DISP1: variants seen among roughly 807,000 people sequenced by gnomAD.
The protein encoded by DISP1 is protein dispatched homolog 1.
In DISP1, 30 loss-of-function variants were observed where a neutral mutation model predicts 37.3. The observed-to-expected ratio is 0.80, with a 90% CI of 0.60 to 1.09. DISP1 has a LOEUF of 1.09. DISP1 is among the 50% of genes least tolerant of loss of function. DISP1 has a pLI of 0.00. For missense variants in DISP1, 1,598 were observed against 1,879.5 expected, an observed-to-expected ratio of 0.85 and a Z score of 2.77; for synonymous variants, 634 against 690.2, an observed-to-expected ratio of 0.92 and a Z score of 1.28.
intron 2 of DISP1, among the ~76,000 whole-genome samples, chr1:222,936,843 C>CATATATATGATATATAATTTATATATA (rs1252343814): frequency 2.5e-5 from 1 of 40,590 alleles, no homozygotes; most frequent in Non-Finnish European, 4.4e-5. Context: ...TTATATATAT[C>CATATATATGATATATAATTTATATATA]ATATATATGA....
intron 2 of DISP1, among the ~76,000 whole-genome samples, chr1:222,936,811 A>T (rs58723573): frequency 1.8e-3 from 61 of 34,830 alleles, no homozygotes; most frequent in African/African-American, 3.2e-3. Context: ...TATATATATA[A>T]ATTATATATA....
intron 1 of DISP1, among the ~76,000 whole-genome samples, chr1:222,863,314 A>G (rs1265281605): frequency 1.6e-5 from 2 of 125,290 alleles, no homozygotes; most frequent in African/African-American, 5.1e-5. Flanking sequence ...TCAGCTCAGG[A>G]GTTCAAGAAC....
intron 3 of DISP1, among the ~76,000 whole-genome samples, chr1:222,979,041 T>C (rs1046582683): frequency 3.3e-5 from 5 of 152,162 alleles, no homozygotes; most frequent in African/African-American, 1.2e-4. Context: ...AAAGTAGTTT[T>C]TTCCAATTCT....
chr1:222,949,410 TTAAAA>T (rs1272818617), intron 3 of DISP1, among the ~76,000 whole-genome samples: 3 of 151,936 alleles, frequency 2.0e-5, no homozygotes, highest in Non-Finnish European at 2.9e-5. Flanking sequence ...ATACATAAAA[TTAAAA>T]TAAAGATTAT....
At chr1:222,877,000 T>C (rs978272737) in intron 1 of DISP1, among the ~76,000 whole-genome samples, 2 of 152,190 alleles carry the variant, frequency 1.3e-5, no homozygotes, top group Non-Finnish European at 1.5e-5. Context: ...TATATGAACA[T>C]GTTGTGAAAA....
At chr1:222,977,813 G>A (rs1186563128) in intron 3 of DISP1, among the ~76,000 whole-genome samples, 4 of 151,914 alleles carry the variant, frequency 2.6e-5, no homozygotes, top group Non-Finnish European at 5.9e-5. Context: ...GCGATAGTTT[G>A]CTGAGAATGA....
At chr1:222,890,835 A>T (rs1670899298) in intron 1 of DISP1, among the ~76,000 whole-genome samples, 1 of 152,028 alleles carries the variant, frequency 6.6e-6, no homozygotes. Flanking sequence ...TGGTTTGTAG[A>T]CACAATAGCC....
intron 3 of DISP1, among the ~76,000 whole-genome samples, chr1:222,949,728 C>T (rs940758546): frequency 9.2e-5 from 14 of 152,090 alleles, no homozygotes; most frequent in African/African-American, 2.9e-4. Flanking sequence ...CTGGGTTCAA[C>T]GGATTCTTCT....
chr1:222,865,082 C>T (rs968459400), intron 1 of DISP1, among the ~76,000 whole-genome samples: 1 of 150,906 alleles, frequency 6.6e-6, no homozygotes. Flanking sequence ...GTATATTTTT[C>T]TCTCTGATGT....
intron 7 of DISP1, 43 bp downstream of exon 7, chr1:222,992,153 C>A (rs754956599): frequency 6.8e-7 from 1 of 1,468,290 alleles, no homozygotes; most frequent in South Asian, 1.1e-5. Context: ...GCAGTTTGCT[C>A]GCATTTAAAA....
At chr1:222,853,660 GT>G (rs916297698) in intron 1 of DISP1, among the ~76,000 whole-genome samples, 10 of 152,168 alleles carry the variant, frequency 6.6e-5, no homozygotes, top group Admixed American at 5.9e-4. Flanking sequence ...AACACTGCAT[GT>G]TCTCACTCAT....
rs557832169 is a variant in DISP1 at position 222,864,470 on chromosome 1, G to A, written c.-159+49392G>A. On this transcript the variant is annotated intron_variant, in intron 1 of 8. Coordinates refer to ENST00000675850, the MANE Select transcript of DISP1 (RefSeq NM_001377229.1). Reference sequence around the variant, plus strand: ...AACCACCTGAGAAACGACTCTGTAGGAGTCCTCTCATTTTTTTTTGCCATT... The same window carrying A: ...AACCACCTGAGAAACGACTCTGTAGAAGTCCTCTCATTTTTTTTTGCCATT... 2.1e-3 allele frequency among the ~76,000 whole-genome samples: 316 copies of A among 151,982 alleles called. 2 individuals are homozygous for A. Among genetic ancestry groups the A allele is most frequent in the Non-Finnish European group, 2.6e-3 (175 of 67,972 alleles).
intron 1 of DISP1, among the ~76,000 whole-genome samples, chr1:222,877,493 C>G (rs1381790323): frequency 6.6e-6 from 1 of 152,176 alleles, no homozygotes; most frequent in South Asian, 2.1e-4. Flanking sequence ...CAGGGTCCCT[C>G]CCACACACTT....
chr1:222,947,269 C>CT (rs1365098167), intron 3 of DISP1, among the ~76,000 whole-genome samples: 4 of 151,644 alleles, frequency 2.6e-5, no homozygotes, highest in South Asian at 2.1e-4. Flanking sequence ...TAGTATTTGC[C>CT]TTTTTTTTGT....
At position 223,004,851 on chromosome 1, in the gene DISP1, A is replaced by G. The variant is rs141653283; in HGVS notation, c.3454A>G (p.Ser1152Gly). 908 of 1,609,624 alleles carry G rather than the reference A, an allele frequency of 5.6e-4. No homozygotes were observed. The highest frequency in any genetic ancestry group is 7.6e-4 in the East Asian group (34 of 44,874). The part of the protein sequence containing the change: ...QIPLPKKLQC[S>G]AFSHALSTSP... Reference sequence around the variant, plus strand: ...TCCTTTACCTAAAAAACTACAGTGCAGTGCCTTTTCCCATGCCTTGTCTAC... The same window carrying G: ...TCCTTTACCTAAAAAACTACAGTGCGGTGCCTTTTCCCATGCCTTGTCTAC... Residue 1152 changes from serine (S) to glycine (G), a missense_variant, in exon 9 of 9, where the codon AGT (serine) becomes GGT (glycine). Physicochemically the swap from Ser to Gly is moderately conservative, Grantham distance 56. Transcript: ENST00000675850. The surrounding 1 kb of genome is among the most constrained non-coding windows in gnomAD (Gnocchi z 4.9).
chr1:222,983,190 C>T, intron 4 of DISP1, 81 bp downstream of exon 4: 1 of 1,110,058 alleles, frequency 9.0e-7, no homozygotes, highest in South Asian at 1.3e-5. Flanking sequence ...CCGTATTTTG[C>T]TGTTCTTTTC....
At position 222,892,475 on chromosome 1, in the gene DISP1, TA is replaced by T. The variant is rs529622449; in HGVS notation, c.-158-35953del. 2.5e-4 allele frequency among the ~76,000 whole-genome samples: 38 copies of T among 152,352 alleles called. No individual in the cohort carries two copies. In the East Asian group the frequency reaches 7.3e-3, roughly 29 times the overall value. Reference sequence around the variant, plus strand: ...CAGTGAGTGGTGTCCCGAGAAATAATAAGTTTTGACAGCAAAATCTTAAATT... The same window carrying T: ...CAGTGAGTGGTGTCCCGAGAAATAATAGTTTTGACAGCAAAATCTTAAATT... On this transcript the variant is annotated intron_variant, in intron 1 of 8. Transcript: ENST00000675850.
chr1:222,912,207 A>G (rs1672252040), intron 1 of DISP1, among the ~76,000 whole-genome samples: 1 of 152,232 alleles, frequency 6.6e-6, no homozygotes, highest in South Asian at 2.1e-4. Flanking sequence ...GTTGGAACTT[A>G]AAGAAGAGCC....
chr1:222,931,170 A>T (rs1283704465), intron 2 of DISP1, among the ~76,000 whole-genome samples: 1 of 152,036 alleles, frequency 6.6e-6, no homozygotes, highest in Non-Finnish European at 1.5e-5. Flanking sequence ...TAAGTGCTTT[A>T]TGGTGATTGA....
Sources: gnomAD v4.1 joint callset for allele counts (sites outside exome capture counted in the v4.1 genomes callset) on GRCh38, gnomAD v4.1.1 for gene constraint, Gnocchi (gnomAD v3.1) non-coding constraint, MANE v1.5 for transcripts, NCBI Gene and HGNC (gene_info 2026-07-23, HGNC 2026-07-21) for gene names.